The following PCLO variants were observed in gnomAD, a reference collection of about 807,000 sequenced individuals.
The protein encoded by PCLO is piccolo presynaptic cytomatrix protein, also known as protein piccolo.
PCLO carries 82 observed loss-of-function variants against 427.5 expected under a neutral mutation model. The ratio of observed to expected loss-of-function variants is 0.19; its 90% confidence interval spans 0.16 to 0.23. The LOEUF (loss-of-function observed/expected upper bound fraction) is 0.23. Ranked by LOEUF, PCLO falls within the 10% of genes least tolerant of loss-of-function variation. PCLO has a pLI of 1.00. For synonymous variants in PCLO, 2,357 were observed against 2,155.4 expected (o/e 1.09, Z -2.59); for missense variants, 6,239 against 6,115.9 (o/e 1.02, Z -0.67).
chr7:82,857,899 G>T (rs2115890293), intron 10 of PCLO, among the ~76,000 whole-genome samples: 1 of 152,170 alleles, frequency 6.6e-6, no homozygotes, highest in South Asian at 2.1e-4. Context: ...ATGGTCAATT[G>T]TTATGTATAA....
chr7:83,000,903 A>G (rs1352414648), intron 3 of PCLO, among the ~76,000 whole-genome samples: 2 of 152,082 alleles, frequency 1.3e-5, no homozygotes, highest in East Asian at 3.9e-4. Context: ...TAATGTATTC[A>G]ATATATAGGT....
At chr7:82,793,346 G>A (rs1203866025) in intron 22 of PCLO, among the ~76,000 whole-genome samples, 1 of 152,122 alleles carries the variant, frequency 6.6e-6, no homozygotes, top group African/African-American at 2.4e-5. Context: ...AAGATGCAAA[G>A]CAGTATCAGC....
chr7:82,820,541 C>T, intron 20 of PCLO: 1 of 1,224,868 alleles, frequency 8.2e-7, no homozygotes, highest in Non-Finnish European at 1.0e-6. Flanking sequence ...ATGCCCAACA[C>T]ATCTGATACA....
intron 10 of PCLO, among the ~76,000 whole-genome samples, chr7:82,859,197 G>GAC (rs34011785): frequency 0.84 from 127,293 of 152,014 alleles, 53,730 homozygotes; most frequent in African/African-American, 0.9. Context: ...TGAAGGGAAA[G>GAC]ACAGGCCTGG....
At chr7:83,001,414 T>C (rs1583892767) in intron 3 of PCLO, among the ~76,000 whole-genome samples, 2 of 151,842 alleles carry the variant, frequency 1.3e-5, no homozygotes, top group African/African-American at 4.8e-5. Flanking sequence ...TCACATTCCA[T>C]GTTACATAAC....
chr7:83,109,281 T>A (rs1356229534), intron 3 of PCLO, among the ~76,000 whole-genome samples: 1 of 152,156 alleles, frequency 6.6e-6, no homozygotes. Flanking sequence ...CCTCTAGTGT[T>A]CTTAATTGAT....
intron 3 of PCLO, among the ~76,000 whole-genome samples, chr7:82,985,692 A>C (rs1796241134): frequency 6.6e-6 from 1 of 151,986 alleles, no homozygotes; most frequent in East Asian, 1.9e-4. Flanking sequence ...CCTAAGGAGT[A>C]AAAATATTAT....
At chr7:83,031,623 A>G (rs2116146697) in intron 3 of PCLO, among the ~76,000 whole-genome samples, 1 of 152,224 alleles carries the variant, frequency 6.6e-6, no homozygotes, top group East Asian at 1.9e-4. Context: ...ATCAGATTCT[A>G]AGTGCACCTG....
intron 10 of PCLO, among the ~76,000 whole-genome samples, chr7:82,861,143 G>C (rs545408162): frequency 6.6e-6 from 1 of 151,880 alleles, no homozygotes; most frequent in African/African-American, 2.4e-5. Context: ...TAAACACTTC[G>C]ATCAAAAGAT....
chr7:82,789,892 C>T (rs1344095936), intron 22 of PCLO, among the ~76,000 whole-genome samples: 1 of 152,036 alleles, frequency 6.6e-6, no homozygotes, highest in Non-Finnish European at 1.5e-5. Flanking sequence ...TTTACATTGC[C>T]CTCTGCTGTT....
intron 9 of PCLO, among the ~76,000 whole-genome samples, chr7:82,889,927 C>T (rs772406496): frequency 3.3e-5 from 5 of 151,764 alleles, no homozygotes; most frequent in East Asian, 1.9e-4. Context: ...GTGTAAAAAA[C>T]GCAAGAAGTA....
At chr7:82,982,709 C>T (rs907729591) in intron 3 of PCLO, among the ~76,000 whole-genome samples, 1 of 151,790 alleles carries the variant, frequency 6.6e-6, no homozygotes, top group African/African-American at 2.4e-5. Flanking sequence ...ACATGCATTA[C>T]TTTTATGGTA....
intron 3 of PCLO, among the ~76,000 whole-genome samples, chr7:82,982,509 C>A (rs1306266619): frequency 6.6e-6 from 1 of 151,974 alleles, no homozygotes; most frequent in East Asian, 1.9e-4. Context: ...AATAAGCAAG[C>A]CTTTGCTCTC....
chr7:83,007,203 C>T (rs1787967763), intron 3 of PCLO, among the ~76,000 whole-genome samples: 1 of 151,344 alleles, frequency 6.6e-6, no homozygotes, highest in African/African-American at 2.4e-5. Flanking sequence ...GAAAAACAGT[C>T]AAGGCATATG....
intron 10 of PCLO, among the ~76,000 whole-genome samples, chr7:82,864,045 C>A (rs1793031776): frequency 6.6e-6 from 1 of 151,956 alleles, no homozygotes; most frequent in Admixed American, 6.6e-5. Context: ...CATTTGGTGG[C>A]AGTTTGAAAA....
chr7:83,141,801 G>C (rs965685742), intron 2 of PCLO, among the ~76,000 whole-genome samples: 1 of 152,120 alleles, frequency 6.6e-6, no homozygotes, highest in Non-Finnish European at 1.5e-5. Flanking sequence ...TTCACATAAA[G>C]AGTATCAATT....
Position 82,954,742 on chromosome 7 carries a change from T to A in PCLO, c.6211A>T (p.Arg2071Trp). Reference protein sequence around the residue: ...ADAAYEELMKRQQMQLTPGSS... With the variant: ...ADAAYEELMKWQQMQLTPGSS... ...CCAGGTGTTAATTGCATCTGTTGCCTCTTCATAAGTTCTTCATAGGCAGCA... is the reference window on the plus strand; with the variant it reads ...CCAGGTGTTAATTGCATCTGTTGCCACTTCATAAGTTCTTCATAGGCAGCA... The change falls in exon 5 of 25, where the codon AGG becomes TGG. Residue 2071 changes from arginine to tryptophan, a missense_variant. Transcript: ENST00000333891. 1.2e-6 allele frequency: 2 copies of A among 1,613,826 alleles called. No individual in the cohort carries two copies.
chr7:82,944,004 G>T (rs975002014), intron 6 of PCLO, among the ~76,000 whole-genome samples: 1 of 151,802 alleles, frequency 6.6e-6, no homozygotes, highest in African/African-American at 2.4e-5. Context: ...AAAATTAGCT[G>T]GGCGGGGTGG....
At chr7:82,801,680 T>C (rs1791357157) in intron 21 of PCLO, 89 bp from the exon 22 acceptor site, 2 of 758,874 alleles carry the variant, frequency 2.6e-6, no homozygotes, top group Non-Finnish European at 4.4e-6. Flanking sequence ...ATGACATTGA[T>C]AGTAATGGCA....
Sources: gnomAD v4.1 joint callset for allele counts (sites outside exome capture counted in the v4.1 genomes callset) on GRCh38, gnomAD v4.1.1 for gene constraint, MANE v1.5 for transcripts, NCBI Gene and HGNC (gene_info 2026-07-23, HGNC 2026-07-21) for gene names.